PPFIA2: variants seen among roughly 807,000 people sequenced by gnomAD.
The protein encoded by PPFIA2 is liprin-alpha-2.
A neutral mutation model predicts 175.5 loss-of-function variants in PPFIA2; 46 were observed. That is an observed-to-expected ratio of 0.26 (90% CI 0.21 to 0.34). The LOEUF is 0.34. Among genes scored for constraint, PPFIA2 ranks in the 10% least tolerant of loss-of-function variants. The pLI, the probability that PPFIA2 is intolerant of heterozygous loss-of-function variation, is 1.00. For missense variants in PPFIA2, 1,179 were observed against 1,506.1 expected (o/e 0.78, Z 3.60); for synonymous variants, 568 against 511.4 (o/e 1.11, Z -1.49).
At chr12:81,454,959 C>T (rs2053318493) in intron 5 of PPFIA2, among the ~76,000 whole-genome samples, 1 of 152,192 alleles carries the variant, frequency 6.6e-6, no homozygotes, top group South Asian at 2.1e-4. Flanking sequence ...AGCGATTATC[C>T]TATTTCAGCA....
At chr12:81,738,209 T>C (rs537398458) in intron 3 of PPFIA2, among the ~76,000 whole-genome samples, 1 of 151,948 alleles carries the variant, frequency 6.6e-6, no homozygotes, top group Non-Finnish European at 1.5e-5. Context: ...TAAAATAATA[T>C]GTCTTAGTGC....
intron 4 of PPFIA2, among the ~76,000 whole-genome samples, chr12:81,572,622 T>C (rs569062709): frequency 6.6e-6 from 1 of 152,166 alleles, no homozygotes; most frequent in Non-Finnish European, 1.5e-5. Flanking sequence ...ATTTGCTTTC[T>C]TTTGTGCAAA....
chr12:81,343,648 C>A (rs2058549706), intron 19 of PPFIA2, among the ~76,000 whole-genome samples: 1 of 151,976 alleles, frequency 6.6e-6, no homozygotes, highest in Non-Finnish European at 1.5e-5. Flanking sequence ...AAGTTTGAAT[C>A]TTTGAAATCT....
chr12:81,434,937 A>G (rs1182031205), intron 7 of PPFIA2, among the ~76,000 whole-genome samples: 2 of 152,134 alleles, frequency 1.3e-5, no homozygotes, highest in Non-Finnish European at 2.9e-5. Context: ...TATATCTAAA[A>G]CTTTTTCTAT....
intron 4 of PPFIA2, among the ~76,000 whole-genome samples, chr12:81,589,138 A>T (rs2058376250): frequency 6.6e-6 from 1 of 152,066 alleles, no homozygotes; most frequent in African/African-American, 2.4e-5. Flanking sequence ...TGTATTAGGC[A>T]ATCTGCTTGA....
intron 7 of PPFIA2, among the ~76,000 whole-genome samples, chr12:81,415,605 T>C (rs1304520826): frequency 6.6e-6 from 1 of 150,658 alleles, no homozygotes; most frequent in Non-Finnish European, 1.5e-5. Context: ...AAATTAATAT[T>C]TAAAGGGTTT....
At chr12:81,595,062 T>C (rs1341861832) in intron 4 of PPFIA2, among the ~76,000 whole-genome samples, 1 of 151,878 alleles carries the variant, frequency 6.6e-6, no homozygotes, top group Non-Finnish European at 1.5e-5. Context: ...GGAGCCATGG[T>C]GGTGGCCAGG....
Position 81,531,636 on chromosome 12 carries a change from T to C in PPFIA2, c.304-73770A>G, listed in dbSNP as rs140000965. Among the ~76,000 whole-genome samples, 317 of 151,504 alleles carry C rather than the reference T, an allele frequency of 2.1e-3. 2 individuals are homozygous for C. Among genetic ancestry groups the C allele is most frequent in the African/African-American group, 7.5e-3 (310 of 41,330 alleles). On this transcript the variant is annotated intron_variant, in intron 4 of 32. Coordinates refer to ENST00000549396, the MANE Select transcript of PPFIA2 (RefSeq NM_003625.5). ...ATTGAGATATTGGCATATGAGGATA[T>C]AGCAAGATACGAGATAGAACGGAAG... is the stretch of plus-strand genomic sequence containing the variant.
At chr12:81,305,373 A>G (rs1252059400) in intron 22 of PPFIA2, among the ~76,000 whole-genome samples, 1 of 152,176 alleles carries the variant, frequency 6.6e-6, no homozygotes, top group Admixed American at 6.5e-5. Flanking sequence ...AGCTTACTAT[A>G]TAACTCAGTA....
chr12:81,496,211 G>C (rs1375845255), intron 4 of PPFIA2, among the ~76,000 whole-genome samples: 1 of 152,094 alleles, frequency 6.6e-6, no homozygotes, highest in Non-Finnish European at 1.5e-5. Context: ...TGAGAAAGGT[G>C]AATCAACTGG....
chr12:81,429,081 A>G (rs2047648976), intron 7 of PPFIA2, among the ~76,000 whole-genome samples: 1 of 152,078 alleles, frequency 6.6e-6, no homozygotes, highest in Admixed American at 6.6e-5. Context: ...GAATTTACTA[A>G]TATGATTCCT....
At chr12:81,741,141 G>A (rs1254042326) in intron 3 of PPFIA2, among the ~76,000 whole-genome samples, 1 of 152,120 alleles carries the variant, frequency 6.6e-6, no homozygotes, top group Non-Finnish European at 1.5e-5. Flanking sequence ...TCTGACCTCA[G>A]TGCTATGATT....
At chr12:81,738,543 T>C (rs1212996802) in intron 3 of PPFIA2, among the ~76,000 whole-genome samples, 1 of 151,852 alleles carries the variant, frequency 6.6e-6, no homozygotes, top group Admixed American at 6.6e-5. Context: ...AGGGAAAGTA[T>C]ACATTAACAT....
At chr12:81,412,893 G>A (rs1423289609) in intron 7 of PPFIA2, among the ~76,000 whole-genome samples, 2 of 151,792 alleles carry the variant, frequency 1.3e-5, no homozygotes, top group African/African-American at 4.8e-5. Flanking sequence ...GCGTGCTCTA[G>A]CTTACTGAAA....
Position 81,420,310 on chromosome 12 carries a change from T to C in PPFIA2, c.646-14407A>G, listed in dbSNP as rs1050426853. Among the ~76,000 whole-genome samples the C allele has an allele frequency of 3.9e-5, 6 of 152,050 alleles. No individual in the cohort carries two copies. The East Asian group carries it at 5.8e-4, about 15-fold the overall frequency. Reference sequence around the variant, plus strand: ...AAATGCCACAAAAGGAACACAATAATTTTCTAGTAACTGACCACAAAGAAA... The same window carrying C: ...AAATGCCACAAAAGGAACACAATAACTTTCTAGTAACTGACCACAAAGAAA... On this transcript the variant is annotated intron_variant, in intron 7 of 32. Transcript: ENST00000549396.
intron 10 of PPFIA2, among the ~76,000 whole-genome samples, chr12:81,375,568 T>C (rs988418338): frequency 1.3e-5 from 2 of 152,152 alleles, no homozygotes; most frequent in Non-Finnish European, 2.9e-5. Flanking sequence ...CATGCCTATA[T>C]GAAAAGTAAA....
intron 25 of PPFIA2, among the ~76,000 whole-genome samples, chr12:81,283,338 AAATGT>A (rs1867293624): frequency 6.6e-6 from 1 of 152,044 alleles, no homozygotes; most frequent in South Asian, 2.1e-4. Flanking sequence ...GTAATTTTTA[AAATGT>A]AATGTGCTAT....
At chr12:81,367,718 C>A (rs1168244809) in intron 13 of PPFIA2, among the ~76,000 whole-genome samples, 4 of 151,492 alleles carry the variant, frequency 2.6e-5, no homozygotes, top group Admixed American at 1.3e-4. Flanking sequence ...GTCACAAAGT[C>A]AGTGGAAATA....
At chr12:81,458,625 A>C (rs2053998820) in intron 4 of PPFIA2, among the ~76,000 whole-genome samples, 2 of 152,230 alleles carry the variant, frequency 1.3e-5, no homozygotes, top group South Asian at 4.1e-4. Context: ...CTGTGAAGGA[A>C]TCTTCATTGG....
Sources: gnomAD v4.1 joint callset for allele counts (sites outside exome capture counted in the v4.1 genomes callset) on GRCh38, gnomAD v4.1.1 for gene constraint, MANE v1.5 for transcripts, NCBI Gene and HGNC (gene_info 2026-07-23, HGNC 2026-07-21) for gene names.